Variants in ST3GAL3 observed in about 807,000 individuals in gnomAD.
ST3GAL3 encodes CMP-N-acetylneuraminate-beta-1,4-galactoside alpha-2,3-sialyltransferase.
A neutral mutation model predicts 50.1 loss-of-function variants in ST3GAL3; 21 were observed. That is an observed-to-expected ratio of 0.42 (90% CI 0.30 to 0.60). The LOEUF (loss-of-function observed/expected upper bound fraction) is 0.60, where lower values mean the gene tolerates loss of function less well. ST3GAL3 is among the 20% of genes least tolerant of loss of function. ST3GAL3 has a pLI of 0.19. For synonymous variants in ST3GAL3, 183 were observed against 190.0 expected (o/e 0.96, Z 0.30); for missense variants, 353 against 489.4 (o/e 0.72, Z 2.63).
intron 5 of ST3GAL3, among the ~76,000 whole-genome samples, chr1:43,883,829 T>C (rs1469173874): frequency 6.6e-6 from 1 of 152,196 alleles, no homozygotes; most frequent in Non-Finnish European, 1.5e-5. Context: ...TGTGCCTTTG[T>C]CTTACAACTA....
rs1386757394 is a variant in ST3GAL3, at chr1:43,890,212, A to C, written c.303-4171A>C. Among the ~76,000 whole-genome samples, 10 of 152,222 alleles carry C rather than the reference A, an allele frequency of 6.6e-5. 1 individual carries two copies. Among genetic ancestry groups the C allele is most frequent in the Admixed American group, 6.5e-4 (10 of 15,286 alleles). Reference sequence around the variant, plus strand: ...TTTAAGGTGTCCTTATCTTTTAGAAATTAATGCTGAAATATTTTATGGATG... The same window carrying C: ...TTTAAGGTGTCCTTATCTTTTAGAACTTAATGCTGAAATATTTTATGGATG... On this transcript the variant is annotated intron_variant, in intron 5 of 11. Transcript: ENST00000347631.
intron 2 of ST3GAL3, among the ~76,000 whole-genome samples, chr1:43,760,586 T>C (rs1282703728): frequency 6.6e-6 from 1 of 152,138 alleles, no homozygotes; most frequent in Admixed American, 6.5e-5. Context: ...AAACCCCGTC[T>C]CTACTAAAAA....
chr1:43,769,593 A>C (rs1259846780), intron 2 of ST3GAL3, among the ~76,000 whole-genome samples: 1 of 152,296 alleles, frequency 6.6e-6, no homozygotes, highest in South Asian at 2.1e-4. Context: ...AGGAAAGAGA[A>C]GCAAAGGAAA....
intron 5 of ST3GAL3, among the ~76,000 whole-genome samples, chr1:43,862,014 G>A (rs2070081070): frequency 6.7e-6 from 1 of 148,980 alleles, no homozygotes; most frequent in African/African-American, 2.5e-5. Flanking sequence ...GGCAACAAGA[G>A]CGAAAATCTG....
At chr1:43,798,659 T>C (rs76168287) in intron 3 of ST3GAL3, among the ~76,000 whole-genome samples, 7,760 of 152,246 alleles carry the variant, frequency 0.051, 651 homozygotes, top group African/African-American at 0.18. Context: ...AGTAGTCCAC[T>C]CCTCTAACCA....
intron 2 of ST3GAL3, among the ~76,000 whole-genome samples, chr1:43,760,006 A>T (rs928911254): frequency 6.6e-6 from 1 of 152,164 alleles, no homozygotes. Context: ...ACCACTGCAC[A>T]CTGAAGCTTT....
At chr1:43,797,018 C>G (rs2058752251) in intron 3 of ST3GAL3, among the ~76,000 whole-genome samples, 1 of 152,018 alleles carries the variant, frequency 6.6e-6, no homozygotes. Context: ...GAACTCTTCT[C>G]TACAAAATTA....
At chr1:43,787,428 A>G (rs1419563110) in intron 2 of ST3GAL3, among the ~76,000 whole-genome samples, 5 of 152,146 alleles carry the variant, frequency 3.3e-5, no homozygotes, top group Admixed American at 6.5e-5. Flanking sequence ...AATAAATCAC[A>G]AATAATGAAT....
At chr1:43,924,221 G>A (rs2083518003) in intron 11 of ST3GAL3, among the ~76,000 whole-genome samples, 1 of 152,036 alleles carries the variant, frequency 6.6e-6, no homozygotes, top group Admixed American at 6.5e-5. Flanking sequence ...TGTGGGTCTG[G>A]GACAGTTCTA....
At position 43,838,270 on chromosome 1, in the gene ST3GAL3, G is replaced by A; in HGVS notation, c.261G>A (p.Lys87=). 1.2e-6 allele frequency: 2 copies of A among 1,613,974 alleles called. No homozygotes were observed. The highest frequency in any genetic ancestry group is 1.7e-6 in the Non-Finnish European group (2 of 1,179,964). Residue 87 remains lysine, a synonymous_variant, in exon 5 of 12, where the codon AAG becomes AAA. Transcript: ENST00000347631. ...CAAACTTTTCAGAGGGAGCTTGCAA[G>A]CCTGGCTATGCTTCAGCCTTGATGA... The part of the protein sequence containing the change: ...KYANFSEGAC[K]PGYASALMTA...
At chr1:43,731,244 T>C (rs541236437) in intron 1 of ST3GAL3, among the ~76,000 whole-genome samples, 2 of 152,230 alleles carry the variant, frequency 1.3e-5, no homozygotes, top group African/African-American at 4.8e-5. Flanking sequence ...AGAGTCTCGC[T>C]CTGTCGCCCA....
chr1:43,758,375 T>C lies in ST3GAL3; in HGVS notation c.118+21995T>C, dbSNP rs2041069. 5.3e-3 allele frequency among the ~76,000 whole-genome samples: 808 copies of C among 152,236 alleles called. 16 individuals carry two copies. Among genetic ancestry groups the C allele is most frequent in the African/African-American group, 0.018 (751 of 41,546 alleles). The stretch of plus-strand genomic sequence containing the variant: ...AGGCAATCCTCCCACCTCAGTCTCC[T>C]GGGTAGCTAGGACTACAGAAGTGTG... On this transcript the variant is annotated intron_variant, in intron 2 of 11. Coordinates refer to ENST00000347631, the MANE Select transcript of ST3GAL3 (RefSeq NM_006279.5).
intron 5 of ST3GAL3, among the ~76,000 whole-genome samples, chr1:43,887,280 A>C (rs1308387862): frequency 6.6e-6 from 1 of 152,186 alleles, no homozygotes; most frequent in Non-Finnish European, 1.5e-5. Flanking sequence ...GTAAGATTAG[A>C]TAAATCTCTG....
intron 3 of ST3GAL3, among the ~76,000 whole-genome samples, chr1:43,793,439 C>T (rs1266220247): frequency 6.6e-6 from 1 of 152,144 alleles, no homozygotes; most frequent in Non-Finnish European, 1.5e-5. Flanking sequence ...TGACTATAAT[C>T]ACTCTGCTGT....
At chr1:43,903,409 C>T (rs1001005258) in intron 9 of ST3GAL3, among the ~76,000 whole-genome samples, 1 of 152,226 alleles carries the variant, frequency 6.6e-6, no homozygotes, top group African/African-American at 2.4e-5. Flanking sequence ...ACAGAAGCCC[C>T]TGGGAACTGC....
At chr1:43,917,466 AATATATAATATATATAATATATAAT>A (rs2082026720) in intron 9 of ST3GAL3, among the ~76,000 whole-genome samples, 4 of 90,534 alleles carry the variant, frequency 4.4e-5, no homozygotes, top group Non-Finnish European at 6.1e-5. Context: ...TAATATATAT[AATATATAATATATATAATATATAAT>A]ATATATAATA....
chr1:43,856,900 A>G (rs894997857), intron 5 of ST3GAL3, among the ~76,000 whole-genome samples: 7 of 151,656 alleles, frequency 4.6e-5, no homozygotes, highest in African/African-American at 9.7e-5. Context: ...CTATCTTCCA[A>G]TTCTCATAGG....
rs189576616 is a variant in ST3GAL3 at position 43,783,853 on chromosome 1, C to T, written c.119-8249C>T. 1.2e-3 allele frequency among the ~76,000 whole-genome samples: 187 copies of T among 152,246 alleles called. 1 individual carries two copies. Among genetic ancestry groups the T allele is most frequent in the Middle Eastern group, 0.01 (3 of 294 alleles). ...GGGGATGTCCTGCCCCTGATCTGCA[C>T]CCAGGTACCTTTTGTCTCCTGGCAT... On this transcript the variant is annotated intron_variant, in intron 2 of 11. Coordinates refer to ENST00000347631, the MANE Select transcript of ST3GAL3 (RefSeq NM_006279.5).
chr1:43,736,377 T>G lies in ST3GAL3; in HGVS notation c.115T>G (p.Ser39Ala). 6.2e-7 allele frequency: 1 copy of G among 1,614,200 alleles called. No homozygotes were observed. The highest frequency in any genetic ancestry group is 8.5e-7 in the Non-Finnish European group (1 of 1,180,030). ...ACACTTACTCCAGTGGGAGGAGGAC[T>G]CCAGTAAGTATAGTCACTCTAGCTC... ...KLHLLQWEED[S>A]NSVVLSFDSA... Residue 39 changes from serine to alanine, a missense_variant, in exon 2 of 12, where the codon TCC becomes GCC. By Grantham distance (99) the Ser-to-Ala change is moderately conservative (BLOSUM62 1). Coordinates refer to ENST00000347631, the MANE Select transcript of ST3GAL3 (RefSeq NM_006279.5).
Sources: gnomAD v4.1 joint callset for allele counts (sites outside exome capture counted in the v4.1 genomes callset) on GRCh38, gnomAD v4.1.1 for gene constraint, MANE v1.5 for transcripts, NCBI Gene and HGNC (gene_info 2026-07-23, HGNC 2026-07-21) for gene names.